NPSR1: variants seen among roughly 807,000 people sequenced by gnomAD.
NPSR1 encodes the protein neuropeptide S receptor 1.
A neutral mutation model predicts 46.9 loss-of-function variants in NPSR1; 48 were observed. The observed-to-expected ratio is 1.02, with a 90% CI of 0.81 to 1.30. The LOEUF (loss-of-function observed/expected upper bound fraction) is 1.30. Ranked by LOEUF, NPSR1 falls within the 50% of genes most tolerant of loss-of-function variation. The pLI is 0.00. For synonymous variants in NPSR1, 176 were observed against 168.1 expected, an observed-to-expected ratio of 1.05 and a Z score of -0.36; for missense variants, 450 against 449.5, an observed-to-expected ratio of 1.00 and a Z score of -0.01.
At chr7:34,674,692 C>A (rs1301907977) in intron 1 of NPSR1, among the ~76,000 whole-genome samples, 1 of 152,110 alleles carries the variant, frequency 6.6e-6, no homozygotes, top group Non-Finnish European at 1.5e-5. Flanking sequence ...TAAAACAAAC[C>A]CTGAAAACAT....
rs1562732977 is a variant in NPSR1 at position 34,792,641 on chromosome 7, G to GTATATATATGTATATATATATT, written c.384+14085_384+14086insGTATATATATATTTATATATAT. On this transcript the variant is annotated intron_variant, in intron 3 of 8. Coordinates refer to ENST00000360581, the MANE Select transcript of NPSR1 (RefSeq NM_207172.2). ...TGTATATGTGTGTGTGTGTGTATGT[G>GTATATATATGTATATATATATT]TATATATATATGTATATATATATTT... is the stretch of plus-strand genomic sequence containing the variant. Among the ~76,000 whole-genome samples the GTATATATATGTATATATATATT allele has an allele frequency of 8.8e-3, 713 of 80,926 alleles. 38 individuals are homozygous for GTATATATATGTATATATATATT. Among genetic ancestry groups the GTATATATATGTATATATATATT allele is most frequent in the Middle Eastern group, 0.029 (4 of 140 alleles). The allele number at this position is 80,926 out of a possible 152,430, so 53.1% of individuals were successfully genotyped here.
intron 2 of NPSR1, among the ~76,000 whole-genome samples, chr7:34,701,486 T>C (rs145317519): frequency 5.1e-4 from 78 of 152,352 alleles, no homozygotes; most frequent in African/African-American, 1.8e-3. Flanking sequence ...TAACACAGTA[T>C]GTAAGCTCTC....
chr7:34,737,734 T>A (rs1784746341), intron 2 of NPSR1, among the ~76,000 whole-genome samples: 1 of 152,222 alleles, frequency 6.6e-6, no homozygotes. Context: ...CTTCTCTTAT[T>A]TCTGACTTTA....
intron 2 of NPSR1, among the ~76,000 whole-genome samples, chr7:34,726,569 T>C (rs1784162950): frequency 2.0e-5 from 3 of 152,324 alleles, no homozygotes; most frequent in Middle Eastern, 6.8e-3. Context: ...TGAATGTTTA[T>C]AGTAGTTATA....
At chr7:34,746,927 C>T (rs1248507456) in intron 2 of NPSR1, among the ~76,000 whole-genome samples, 1 of 151,922 alleles carries the variant, frequency 6.6e-6, no homozygotes, top group Non-Finnish European at 1.5e-5. Context: ...GAGATCGAGA[C>T]CATTCTGGCC....
chr7:34,713,744 G>C (rs1783416761), intron 2 of NPSR1, among the ~76,000 whole-genome samples: 2 of 152,172 alleles, frequency 1.3e-5, no homozygotes, highest in Non-Finnish European at 2.9e-5. Flanking sequence ...CCGTGACTGG[G>C]AGATGGGAAA....
chr7:34,762,071 G>C (rs145585084), intron 2 of NPSR1, among the ~76,000 whole-genome samples: 1 of 152,142 alleles, frequency 6.6e-6, no homozygotes, highest in Non-Finnish European at 1.5e-5. Context: ...TAAGTTTTAC[G>C]AGGACTTGGG....
intron 1 of NPSR1, among the ~76,000 whole-genome samples, chr7:34,659,460 T>C (rs1049236280): frequency 1.3e-5 from 2 of 152,214 alleles, no homozygotes; most frequent in African/African-American, 4.8e-5. Context: ...TAATCCTCTG[T>C]ATGTTCTTGA....
chr7:34,717,324 G>A (rs948311208), intron 2 of NPSR1, among the ~76,000 whole-genome samples: 1 of 152,158 alleles, frequency 6.6e-6, no homozygotes, highest in South Asian at 2.1e-4. Flanking sequence ...TAGAGACAGG[G>A]TTTCTCCATG....
chr7:34,673,896 T>C (rs1394504056), intron 1 of NPSR1, among the ~76,000 whole-genome samples: 1 of 152,188 alleles, frequency 6.6e-6, no homozygotes, highest in East Asian at 1.9e-4. Flanking sequence ...AGAATCCCCA[T>C]AGTTCATGGT....
At chr7:34,708,700 C>T (rs1024552895) in intron 2 of NPSR1, among the ~76,000 whole-genome samples, 26 of 152,162 alleles carry the variant, frequency 1.7e-4, no homozygotes, top group Admixed American at 9.8e-4. Flanking sequence ...GTATTGGAAA[C>T]CTTTTGAATA....
At chr7:34,819,165 A>G (rs980090337) in intron 4 of NPSR1, among the ~76,000 whole-genome samples, 1 of 152,116 alleles carries the variant, frequency 6.6e-6, no homozygotes, top group Admixed American at 6.6e-5. Context: ...TTTGCAATCT[A>G]CCCATCTGAA....
intron 3 of NPSR1, among the ~76,000 whole-genome samples, chr7:34,810,955 A>G (rs765186977): frequency 6.6e-6 from 1 of 152,148 alleles, no homozygotes; most frequent in Non-Finnish European, 1.5e-5. Context: ...CAGCTTCCTC[A>G]AGCTCAAACT....
chr7:34,817,767 T>C (rs141537107), intron 4 of NPSR1, among the ~76,000 whole-genome samples: 2 of 152,078 alleles, frequency 1.3e-5, no homozygotes, highest in South Asian at 2.1e-4. Context: ...GTTCAACATA[T>C]GCAAATTGAT....
chr7:34,813,979 T>A (rs1252331851), intron 4 of NPSR1, among the ~76,000 whole-genome samples: 8 of 152,230 alleles, frequency 5.3e-5, no homozygotes, highest in Non-Finnish European at 8.8e-5. Context: ...GGTCTGCAGC[T>A]CCCAGCATGA....
chr7:34,787,462 G>A (rs1028364795), intron 3 of NPSR1, among the ~76,000 whole-genome samples: 5 of 152,112 alleles, frequency 3.3e-5, no homozygotes, highest in Non-Finnish European at 7.4e-5. Flanking sequence ...TGTAATTTGT[G>A]TGTTCACTGA....
intron 5 of NPSR1, among the ~76,000 whole-genome samples, chr7:34,833,585 C>G (rs964883870): frequency 4.4e-4 from 67 of 152,330 alleles, no homozygotes; most frequent in African/African-American, 1.6e-3. Flanking sequence ...TAGTAGTTAT[C>G]TATTACTGCA....
chr7:34,803,267 C>T (rs1239173241), intron 3 of NPSR1, among the ~76,000 whole-genome samples: 4 of 151,966 alleles, frequency 2.6e-5, no homozygotes, highest in East Asian at 3.9e-4. Flanking sequence ...CACATGCACA[C>T]GTATGTTTAT....
At chr7:34,822,892 T>A (rs1052389637) in intron 4 of NPSR1, among the ~76,000 whole-genome samples, 2 of 152,090 alleles carry the variant, frequency 1.3e-5, no homozygotes, top group African/African-American at 4.8e-5. Flanking sequence ...GAAAATATAG[T>A]TTTTTACTAC....
Sources: gnomAD v4.1 joint callset for allele counts (sites outside exome capture counted in the v4.1 genomes callset) on GRCh38, gnomAD v4.1.1 for gene constraint, MANE v1.5 for transcripts, NCBI Gene and HGNC (gene_info 2026-07-23, HGNC 2026-07-21) for gene names.